The following CLASP1 variants were observed in gnomAD, a reference collection of about 807,000 sequenced individuals.
CLASP1 encodes CLIP-associating protein 1.
Under a neutral mutation model 192.3 loss-of-function variants are expected in CLASP1, and 38 were observed. The observed-to-expected ratio is 0.20, with a 90% CI of 0.15 to 0.26. The LOEUF (loss-of-function observed/expected upper bound fraction) is 0.26. Among genes scored for constraint, CLASP1 ranks in the 10% least tolerant of loss-of-function variants. The pLI, the probability that CLASP1 is intolerant of heterozygous loss-of-function variation, is 1.00. For synonymous variants in CLASP1, 691 were observed against 712.8 expected, an observed-to-expected ratio of 0.97 and a Z score of 0.49; for missense variants, 1,433 against 1,932.5, an observed-to-expected ratio of 0.74 and a Z score of 4.85.
At chr2:121,378,382 C>A (rs2070780475) in intron 33 of CLASP1, among the ~76,000 whole-genome samples, 1 of 152,092 alleles carries the variant, frequency 6.6e-6, no homozygotes, top group Non-Finnish European at 1.5e-5. Flanking sequence ...ATTTGTTGTT[C>A]ACAGAAAAGT....
chr2:121,642,601 G>A (rs115667140), intron 1 of CLASP1, among the ~76,000 whole-genome samples: 2,045 of 151,786 alleles, frequency 0.013, 15 homozygotes, highest in Middle Eastern at 0.037. Context: ...GCGTGGTGGC[G>A]CACACCTGTA....
intron 22 of CLASP1, among the ~76,000 whole-genome samples, chr2:121,424,515 G>C (rs562169841): frequency 6.6e-6 from 1 of 152,134 alleles, no homozygotes; most frequent in Non-Finnish European, 1.5e-5. Flanking sequence ...AAAAGTTAGC[G>C]TATGAATTAG....
At chr2:121,523,016 T>C (rs1013512397) in intron 6 of CLASP1, among the ~76,000 whole-genome samples, 1 of 152,094 alleles carries the variant, frequency 6.6e-6, no homozygotes, top group Non-Finnish European at 1.5e-5. Flanking sequence ...GAATATTCAC[T>C]TGCAAGGACT....
intron 2 of CLASP1, among the ~76,000 whole-genome samples, chr2:121,589,219 T>C (rs1435268557): frequency 6.6e-6 from 1 of 152,220 alleles, no homozygotes; most frequent in Non-Finnish European, 1.5e-5. Context: ...TGAGAAAGAT[T>C]ACTGACCATC....
At chr2:121,575,679 A>G (rs753792648) in intron 2 of CLASP1, among the ~76,000 whole-genome samples, 7 of 152,238 alleles carry the variant, frequency 4.6e-5, no homozygotes, top group Non-Finnish European at 8.8e-5. Context: ...AGAGTAAAGC[A>G]AGTGTTCACA....
rs544312701 is a variant in CLASP1, at chr2:121,531,003, G to A, written c.196-678C>T. On this transcript the variant is annotated intron_variant, in intron 2 of 39. Transcript: ENST00000263710. ...TTGCTTTATTTTGGTGCAATTTTTGGAAAAATGAAAACCTGTTTTCATAGA... is the reference window on the plus strand; with the variant it reads ...TTGCTTTATTTTGGTGCAATTTTTGAAAAAATGAAAACCTGTTTTCATAGA... The A allele has an allele frequency of 3.7e-5, 26 of 700,188 alleles. No homozygotes were observed. Among genetic ancestry groups the A allele is most frequent in the African/African-American group, 1.4e-4 (8 of 57,254 alleles). 43.4% of individuals were successfully genotyped at this position (700,188 alleles called of 1,614,324 possible).
intron 2 of CLASP1, chr2:121,530,697 GA>G: frequency 1.9e-6 from 1 of 519,166 alleles, no homozygotes; most frequent in Non-Finnish European, 3.5e-6. Flanking sequence ...GGGTAAAACC[GA>G]GCCGCCGCTT....
intron 8 of CLASP1, among the ~76,000 whole-genome samples, chr2:121,498,972 G>C (rs1415946676): frequency 6.6e-6 from 1 of 152,184 alleles, no homozygotes; most frequent in Admixed American, 6.5e-5. Flanking sequence ...TTGCTGGTAA[G>C]AACATAAAAT....
chr2:121,624,856 A>T (rs998432260), intron 1 of CLASP1, among the ~76,000 whole-genome samples: 2 of 152,330 alleles, frequency 1.3e-5, no homozygotes, highest in Admixed American at 1.3e-4. Flanking sequence ...CATCATCATG[A>T]TATGATATAT....
At chr2:121,528,724 C>T (rs751135271) in exon 4 of CLASP1, 1 of 1,614,020 alleles carries the variant, frequency 6.2e-7, no homozygotes. Context: ...AGAGTTTGGT[C>T]CTGCTCCCTC....
At chr2:121,639,672 C>T (rs867822595) in intron 1 of CLASP1, among the ~76,000 whole-genome samples, 4 of 151,782 alleles carry the variant, frequency 2.6e-5, no homozygotes, top group South Asian at 4.2e-4. Flanking sequence ...AAGACCAGCC[C>T]GGCCAACATG....
At chr2:121,517,857 GCTTTTTTTTTTTTTTT>G (rs1559495656) in intron 6 of CLASP1, among the ~76,000 whole-genome samples, 2 of 60,632 alleles carry the variant, frequency 3.3e-5, no homozygotes, top group African/African-American at 2.4e-4. Flanking sequence ...CAAGACTCAA[GCTTTTTTTTTTTTTTT>G]TTTTTTTTTT....
intron 39 of CLASP1, among the ~76,000 whole-genome samples, chr2:121,344,885 C>T (rs573406556): frequency 9.2e-5 from 14 of 152,226 alleles, no homozygotes; most frequent in South Asian, 2.1e-4. Flanking sequence ...AGGCCAGACA[C>T]GGTGGCTCAC....
intron 2 of CLASP1, among the ~76,000 whole-genome samples, chr2:121,561,564 A>G (rs2059087887): frequency 6.6e-6 from 1 of 152,200 alleles, no homozygotes; most frequent in Non-Finnish European, 1.5e-5. Context: ...GGCCACACAT[A>G]AAATACACTA....
chr2:121,577,668 T>C (rs952806474), intron 2 of CLASP1, among the ~76,000 whole-genome samples: 30 of 152,330 alleles, frequency 2.0e-4, no homozygotes, highest in African/African-American at 6.7e-4. Context: ...TTCAAGTTTA[T>C]TTTTAGTTTC....
intron 37 of CLASP1, among the ~76,000 whole-genome samples, chr2:121,351,180 A>G (rs1287828485): frequency 1.3e-5 from 2 of 151,770 alleles, no homozygotes; most frequent in African/African-American, 4.8e-5. Flanking sequence ...CTGACCTCCC[A>G]CTCTCCATAA....
intron 1 of CLASP1, among the ~76,000 whole-genome samples, chr2:121,636,311 G>A (rs559491971): frequency 4.0e-5 from 6 of 149,118 alleles, no homozygotes; most frequent in African/African-American, 1.5e-4. Flanking sequence ...ACTCCAACCT[G>A]GGTGACAGAG....
chr2:121,344,058 G>GA (rs1209825630), intron 39 of CLASP1, among the ~76,000 whole-genome samples: 1 of 151,886 alleles, frequency 6.6e-6, no homozygotes, highest in Non-Finnish European at 1.5e-5. Context: ...GTGACAGAGT[G>GA]AGACTCTATC....
chr2:121,612,751 ATATTT>A (rs2065823802), intron 1 of CLASP1, among the ~76,000 whole-genome samples: 6 of 152,232 alleles, frequency 3.9e-5, no homozygotes. Context: ...TTAGTCTATT[ATATTT>A]AAGACACAAT....
Sources: gnomAD v4.1 joint callset for allele counts (sites outside exome capture counted in the v4.1 genomes callset) on GRCh38, gnomAD v4.1.1 for gene constraint, MANE v1.5 for transcripts, NCBI Gene and HGNC (gene_info 2026-07-23, HGNC 2026-07-21) for gene names.